The following ARHGAP10 variants were observed in gnomAD, a reference collection of about 807,000 sequenced individuals.
ARHGAP10 encodes the protein rho GTPase-activating protein 10.
Under a neutral mutation model 108.6 loss-of-function variants are expected in ARHGAP10, and 87 were observed. That is an observed-to-expected ratio of 0.80 (90% CI 0.67 to 0.96). The LOEUF (loss-of-function observed/expected upper bound fraction) is 0.96, where lower values mean the gene tolerates loss of function less well. Among genes scored for constraint, ARHGAP10 ranks in the 40% least tolerant of loss-of-function variants. ARHGAP10 has a pLI of 0.00. For synonymous variants in ARHGAP10, 347 were observed against 341.1 expected, an observed-to-expected ratio of 1.02 and a Z score of -0.19; for missense variants, 939 against 954.5, an observed-to-expected ratio of 0.98 and a Z score of 0.21.
intron 7 of ARHGAP10, 115 bp from the exon 8 acceptor site, chr4:147,874,906 A>G (rs1314143157): frequency 1.7e-6 from 2 of 1,162,102 alleles, no homozygotes; most frequent in East Asian, 3.2e-5. Context: ...GAAATTTATA[A>G]AAAAGTTATT....
At chr4:147,923,573 G>A (rs1161918776) in intron 13 of ARHGAP10, among the ~76,000 whole-genome samples, 1 of 152,112 alleles carries the variant, frequency 6.6e-6, no homozygotes, top group Non-Finnish European at 1.5e-5. Context: ...TGTCGATCTA[G>A]GCAAGCTGTC....
chr4:147,836,435 A>C (rs1050117788), intron 3 of ARHGAP10, among the ~76,000 whole-genome samples: 47 of 152,208 alleles, frequency 3.1e-4, no homozygotes, highest in African/African-American at 1.1e-3. Context: ...TGAAAGCAGA[A>C]GTGTGATAAT....
rs552174596 is a variant in ARHGAP10 at position 148,048,460 on chromosome 4, G to T, written c.2027+1409G>T. 5.9e-5 allele frequency among the ~76,000 whole-genome samples: 9 copies of T among 152,244 alleles called. No individual in the cohort carries two copies. In the South Asian group the frequency reaches 1.0e-3, roughly 18 times the overall value. On this transcript the variant is annotated intron_variant, in intron 20 of 22. Transcript: ENST00000336498. The stretch of plus-strand genomic sequence containing the variant: ...ATCTGTGCATATTTTTTATGCTGAG[G>T]ATTGTGGATTTAAATCCTACATTAC...
At chr4:147,964,954 C>A in intron 16 of ARHGAP10, 70 bp from the exon 17 acceptor site, 1 of 1,040,634 alleles carries the variant, frequency 9.6e-7, no homozygotes, top group Non-Finnish European at 1.3e-6. Flanking sequence ...ATATTTGATT[C>A]TGAGTTCTCT....
At chr4:147,938,754 G>A (rs1404462236) in intron 13 of ARHGAP10, among the ~76,000 whole-genome samples, 2 of 152,288 alleles carry the variant, frequency 1.3e-5, no homozygotes, top group East Asian at 3.9e-4. Context: ...GGGATTAGAG[G>A]CATCATCTGC....
intron 1 of ARHGAP10, among the ~76,000 whole-genome samples, chr4:147,769,038 T>G (rs1729961279): frequency 6.6e-6 from 1 of 152,026 alleles, no homozygotes; most frequent in African/African-American, 2.4e-5. Context: ...GCGTCCAGCC[T>G]TCATTCAGCA....
intron 18 of ARHGAP10, among the ~76,000 whole-genome samples, chr4:147,987,440 CCCT>C (rs1408212875): frequency 6.6e-6 from 1 of 152,124 alleles, no homozygotes; most frequent in Non-Finnish European, 1.5e-5. Flanking sequence ...TTTTCTGGGT[CCCT>C]CCTCAGTCTG....
At chr4:147,870,976 T>TGTGTGTGTGTG (rs1734796441) in intron 7 of ARHGAP10, among the ~76,000 whole-genome samples, 1 of 93,050 alleles carries the variant, frequency 1.1e-5, no homozygotes, top group Non-Finnish European at 2.3e-5. Flanking sequence ...GTGTGTGTGT[T>TGTGTGTGTGTG]TGAGATGGAG....
At chr4:147,740,047 C>CTTTTT (rs59246980) in intron 1 of ARHGAP10, among the ~76,000 whole-genome samples, 2 of 118,900 alleles carry the variant, frequency 1.7e-5, no homozygotes, top group East Asian at 2.5e-4. Flanking sequence ...TACTGGGTTA[C>CTTTTT]TTTTTTTTTT....
At chr4:147,984,054 A>G (rs562866293) in intron 18 of ARHGAP10, among the ~76,000 whole-genome samples, 28 of 152,164 alleles carry the variant, frequency 1.8e-4, no homozygotes, top group Non-Finnish European at 3.4e-4. Flanking sequence ...GGGTATTTTC[A>G]GAGTTCCAAG....
chr4:147,950,337 T>C (rs1261020560), intron 15 of ARHGAP10, among the ~76,000 whole-genome samples: 2 of 152,172 alleles, frequency 1.3e-5, no homozygotes, highest in African/African-American at 4.8e-5. Context: ...GGCAGCAGGG[T>C]TCTGGCCCAA....
chr4:148,027,679 A>G (rs1241747671), intron 19 of ARHGAP10, among the ~76,000 whole-genome samples: 1 of 152,184 alleles, frequency 6.6e-6, no homozygotes, highest in East Asian at 1.9e-4. Flanking sequence ...AGTAATATCA[A>G]ATTAGAACTT....
At chr4:147,791,556 G>A (rs1406676686) in intron 1 of ARHGAP10, among the ~76,000 whole-genome samples, 2 of 151,736 alleles carry the variant, frequency 1.3e-5, no homozygotes, top group Non-Finnish European at 2.9e-5. Context: ...GTGCGCGCGT[G>A]TATATATATA....
chr4:147,795,546 A>G (rs1731283367), intron 1 of ARHGAP10, among the ~76,000 whole-genome samples: 1 of 152,088 alleles, frequency 6.6e-6, no homozygotes, highest in Admixed American at 6.5e-5. Flanking sequence ...TACAAACGCA[A>G]CTTCTGGAGT....
At chr4:147,805,497 T>C (rs1731746317) in intron 1 of ARHGAP10, among the ~76,000 whole-genome samples, 2 of 152,232 alleles carry the variant, frequency 1.3e-5, no homozygotes, top group Admixed American at 1.3e-4. Flanking sequence ...GTTTTTCTAA[T>C]TCTATGAAGA....
chr4:148,019,640 C>T (rs1167394867), intron 18 of ARHGAP10, among the ~76,000 whole-genome samples: 1 of 152,008 alleles, frequency 6.6e-6, no homozygotes, highest in Non-Finnish European at 1.5e-5. Context: ...ATCCCAGCTA[C>T]TCAGGAGGCT....
At chr4:147,781,269 G>A (rs1167502879) in intron 1 of ARHGAP10, among the ~76,000 whole-genome samples, 3 of 152,082 alleles carry the variant, frequency 2.0e-5, no homozygotes, top group Non-Finnish European at 2.9e-5. Context: ...ACTTGAACCC[G>A]GGAGGTGGGG....
At chr4:147,909,079 A>G (rs926846399) in intron 11 of ARHGAP10, among the ~76,000 whole-genome samples, 5 of 152,200 alleles carry the variant, frequency 3.3e-5, no homozygotes, top group East Asian at 1.9e-4. Flanking sequence ...CTTCTGGCTA[A>G]CTGGCTATAA....
intron 7 of ARHGAP10, among the ~76,000 whole-genome samples, chr4:147,869,865 T>A (rs1268840479): frequency 6.6e-6 from 1 of 152,168 alleles, no homozygotes; most frequent in Non-Finnish European, 1.5e-5. Context: ...CTGTATCATC[T>A]GCTATACCTC....
Sources: allele counts gnomAD v4.1 joint callset (sites outside exome capture counted in the v4.1 genomes callset), GRCh38; gene constraint gnomAD v4.1.1; transcripts MANE v1.5; gene names NCBI Gene and HGNC (gene_info 2026-07-23, HGNC 2026-07-21).